DENND6A: variants seen among roughly 807,000 people sequenced by gnomAD.
DENND6A encodes protein DENND6A.
A neutral mutation model predicts 95.5 loss-of-function variants in DENND6A; 43 were observed. The ratio of observed to expected loss-of-function variants is 0.45; its 90% confidence interval spans 0.35 to 0.58. The LOEUF is 0.58. Among genes scored for constraint, DENND6A ranks in the 20% least tolerant of loss-of-function variants. DENND6A has a pLI of 0.00. For synonymous variants in DENND6A, 257 were observed against 260.4 expected (o/e 0.99, Z 0.13); for missense variants, 574 against 736.0 (o/e 0.78, Z 2.55).
chr3:57,645,682 T>C lies in DENND6A; in HGVS notation c.1016A>G (p.Tyr339Cys). ...FTIHDSEFKE[Y>C]TTRTQAPPSV... The stretch of plus-strand genomic sequence containing the variant: ...TTACGGAGCTTGGGTACGGGTAGTA[T>C]ATTCTTTGAATTCACTATCATGAAT... The change falls in exon 11 of 20, where the codon TAT (tyrosine) becomes TGT (cysteine). Residue 339 changes from tyrosine to cysteine, a missense_variant. Transcript: ENST00000311128. The C allele has an allele frequency of 6.2e-7, 1 of 1,612,892 alleles. No homozygotes were observed. Among genetic ancestry groups the C allele is most frequent in the Non-Finnish European group, 8.5e-7 (1 of 1,179,256 alleles).
chr3:57,686,904 A>C (rs1046694528), intron 1 of DENND6A, among the ~76,000 whole-genome samples: 1 of 152,232 alleles, frequency 6.6e-6, no homozygotes, highest in Non-Finnish European at 1.5e-5. Context: ...CTCACTTTAA[A>C]TCAAAAGCTA....
chr3:57,670,032 A>AAG (rs1553743498), intron 3 of DENND6A, among the ~76,000 whole-genome samples: 8 of 149,438 alleles, frequency 5.4e-5, no homozygotes, highest in African/African-American at 2.0e-4. Context: ...AAAAAAAAAA[A>AAG]AAAAAGAAAA....
At chr3:57,677,109 C>A (rs976489421) in intron 1 of DENND6A, among the ~76,000 whole-genome samples, 25 of 152,214 alleles carry the variant, frequency 1.6e-4, no homozygotes, top group African/African-American at 6.0e-4. Context: ...CAGGCATGAG[C>A]CACCGTGCCC....
Position 57,654,707 on chromosome 3 carries a change from G to A in DENND6A, c.818+2973C>T, listed in dbSNP as rs114548267. On this transcript the variant is annotated intron_variant, in intron 9 of 19. Transcript: ENST00000311128. ...GATCAAGAAAGCTGAAACCAAAGGC[G>A]TGGTCCATGGAATAGACCTTGACCT... 1,942 of 984,716 alleles carry A rather than the reference G, an allele frequency of 2.0e-3. 16 individuals carry two copies. In the African/African-American group the frequency reaches 0.032, roughly 16 times the overall value. 61.0% of individuals were successfully genotyped at this position (984,716 alleles called of 1,614,324 possible). A position where few individuals can be genotyped will look rare whatever the true frequency, so the allele number is the denominator to read the frequency against.
chr3:57,674,777 A>G (rs1178257385), intron 1 of DENND6A, among the ~76,000 whole-genome samples: 1 of 152,276 alleles, frequency 6.6e-6, no homozygotes, highest in Non-Finnish European at 1.5e-5. Flanking sequence ...ATACCACGAA[A>G]TACTATGCAG....
intron 12 of DENND6A, among the ~76,000 whole-genome samples, chr3:57,641,343 TTAAG>T (rs892695552): frequency 1.4e-5 from 2 of 145,020 alleles, no homozygotes; most frequent in African/African-American, 5.0e-5. Context: ...AAATATATAT[TTAAG>T]TATATATTTA....
chr3:57,632,834 A>G (rs1238999636), intron 15 of DENND6A, among the ~76,000 whole-genome samples: 2 of 152,228 alleles, frequency 1.3e-5, no homozygotes, highest in African/African-American at 2.4e-5. Flanking sequence ...CAAGACAGAT[A>G]TAGTCCCTGT....
intron 11 of DENND6A, among the ~76,000 whole-genome samples, chr3:57,644,120 C>G: frequency 6.7e-6 from 1 of 149,670 alleles, no homozygotes; most frequent in East Asian, 2.0e-4. Context: ...ATTGCACTCC[C>G]TCCTGGATGA....
intron 1 of DENND6A, among the ~76,000 whole-genome samples, chr3:57,690,061 AAAGTC>A (rs1367609018): frequency 2.6e-5 from 4 of 151,692 alleles, no homozygotes; most frequent in Admixed American, 6.6e-5. Context: ...AAAAAAAAAA[AAAGTC>A]AGGTGCGGTG....
chr3:57,646,307 TAG>T lies in DENND6A; in HGVS notation c.941+7_941+8del, dbSNP rs773195949. 6.3e-7 allele frequency: 1 copy of T among 1,598,652 alleles called. No homozygotes were observed. The highest frequency in any genetic ancestry group is 8.5e-7 in the Non-Finnish European group (1 of 1,175,598). ...AAAAAACCCAGAAATAGTAACCAAA[TAG>T]ACTCACTTAACAAGTGCCAATACAG... On this transcript the variant is annotated splice_region_variant and intron_variant, in intron 10 of 19. Transcript: ENST00000311128.
At chr3:57,654,973 A>G (rs1258920573) in intron 9 of DENND6A, 1 of 218,764 alleles carries the variant, frequency 4.6e-6, no homozygotes, top group Non-Finnish European at 7.7e-6. Context: ...TGCTTGATAT[A>G]ATACTATCAC....
intron 3 of DENND6A, among the ~76,000 whole-genome samples, chr3:57,669,519 T>C (rs186132171): frequency 1.3e-5 from 2 of 150,458 alleles, no homozygotes; most frequent in African/African-American, 4.9e-5. Flanking sequence ...ATCAAGACCA[T>C]CCTGGCTAAC....
chr3:57,687,929 C>CAAAA, intron 1 of DENND6A, among the ~76,000 whole-genome samples: 1 of 135,918 alleles, frequency 7.4e-6, no homozygotes, highest in Admixed American at 7.4e-5. Flanking sequence ...AAGACCACCT[C>CAAAA]AAAAAAAAAA....
At chr3:57,630,056 T>A (rs2070631709) in intron 18 of DENND6A, among the ~76,000 whole-genome samples, 1 of 152,168 alleles carries the variant, frequency 6.6e-6, no homozygotes, top group Non-Finnish European at 1.5e-5. Context: ...GGTTACTGAA[T>A]ACAGAGCTGA....
intron 11 of DENND6A, among the ~76,000 whole-genome samples, chr3:57,645,439 C>T (rs1382584729): frequency 2.0e-5 from 3 of 152,046 alleles, no homozygotes; most frequent in African/African-American, 4.8e-5. Context: ...CCAGCCTGGG[C>T]GACAGAGCAA....
At chr3:57,668,013 C>T (rs866970801) in intron 3 of DENND6A, among the ~76,000 whole-genome samples, 27 of 151,952 alleles carry the variant, frequency 1.8e-4, no homozygotes, top group African/African-American at 5.6e-4. Context: ...TTGCAGTGAG[C>T]CGAGATCACA....
Position 57,631,010 on chromosome 3 carries a change from T to G in DENND6A, c.1354-32A>C, listed in dbSNP as rs529966423. 2.8e-4 allele frequency: 442 copies of G among 1,600,528 alleles called. 1 individual carries two copies. The highest frequency in any genetic ancestry group is 3.6e-4 in the Non-Finnish European group (427 of 1,174,736). ...CCAAGAAAAAAGTTAATAAAAGGAG[T>G]GTCTTCAAAAATATTTAAACAGACC... On this transcript the variant is annotated intron_variant, in intron 15 of 19. Coordinates refer to ENST00000311128, the MANE Select transcript of DENND6A (RefSeq NM_152678.3).
At chr3:57,688,722 C>G (rs1430351695) in intron 1 of DENND6A, among the ~76,000 whole-genome samples, 1 of 151,816 alleles carries the variant, frequency 6.6e-6, no homozygotes, top group Non-Finnish European at 1.5e-5. Context: ...AGGCCTGGGG[C>G]TTTCCAAATC....
rs147865128 is a variant in DENND6A at position 57,662,336 on chromosome 3, G to A, written c.514-785C>T. ...CTCCTGAGTAGCTGGGACTACAGGTGTATGCCATCAAGTCTGGCTATTTTT... is the reference window on the plus strand; with the variant it reads ...CTCCTGAGTAGCTGGGACTACAGGTATATGCCATCAAGTCTGGCTATTTTT... On this transcript the variant is annotated intron_variant, in intron 5 of 19. Coordinates refer to ENST00000311128, the MANE Select transcript of DENND6A (RefSeq NM_152678.3). 2.6e-5 allele frequency among the ~76,000 whole-genome samples: 4 copies of A among 151,804 alleles called. No homozygotes were observed. In the East Asian group the frequency reaches 7.8e-4, roughly 29 times the overall value.
Sources: gnomAD v4.1 joint callset for allele counts (sites outside exome capture counted in the v4.1 genomes callset) on GRCh38, gnomAD v4.1.1 for gene constraint, MANE v1.5 for transcripts, NCBI Gene and HGNC (gene_info 2026-07-23, HGNC 2026-07-21) for gene names.